The following SH3BGRL variants were observed in gnomAD, a reference collection of about 807,000 sequenced individuals.
SH3BGRL encodes adapter SH3BGRL.
In SH3BGRL, 7 loss-of-function variants were observed where a neutral mutation model predicts 9.8. The observed-to-expected ratio is 0.72, with a 90% CI of 0.41 to 1.35. The LOEUF (loss-of-function observed/expected upper bound fraction) is 1.35, where lower values mean the gene tolerates loss of function less well. Among genes scored for constraint, SH3BGRL ranks in the 40% most tolerant of loss-of-function variants. The pLI is 0.01. For missense variants in SH3BGRL, 73 were observed against 84.4 expected (o/e 0.86, Z 0.53); for synonymous variants, 36 against 29.1 (o/e 1.24, Z -0.76).
rs778201976 is a variant in SH3BGRL, at chrX:81,271,908, A to G, written c.46-5076A>G. Reference sequence around the variant, plus strand: ...CCTGAAATTGAGCAAGAAGAAGCCAATGGTGGCTGGGCATGGTGGCTCATG... The same window carrying G: ...CCTGAAATTGAGCAAGAAGAAGCCAGTGGTGGCTGGGCATGGTGGCTCATG... On this transcript the variant is annotated intron_variant, in intron 1 of 3. Coordinates refer to ENST00000373212, the MANE Select transcript of SH3BGRL (RefSeq NM_003022.3). Among the ~76,000 whole-genome samples, 16 of 111,737 alleles carry G rather than the reference A, an allele frequency of 1.4e-4. No individual in the cohort carries two copies. In the South Asian group the frequency reaches 2.3e-3, roughly 16 times the overall value.
intron 1 of SH3BGRL, among the ~76,000 whole-genome samples, chrX:81,224,319 A>T (rs1311576903): frequency 3.6e-5 from 4 of 111,303 alleles, no homozygotes; most frequent in African/African-American, 1.3e-4. Context: ...GCCTTAGGGA[A>T]ATGGGTTAAC....
chrX:81,264,696 C>G (rs1213951747), intron 1 of SH3BGRL, among the ~76,000 whole-genome samples: 1 of 110,790 alleles, frequency 9.0e-6, no homozygotes, highest in Non-Finnish European at 1.9e-5. Flanking sequence ...GTCCCTCCCT[C>G]TACTTCAAAT....
At chrX:81,234,912 G>C (rs1183166385) in intron 1 of SH3BGRL, among the ~76,000 whole-genome samples, 1 of 111,707 alleles carries the variant, frequency 9.0e-6, no homozygotes, top group Non-Finnish European at 1.9e-5. Context: ...AGACATCTGG[G>C]TTTCCATACA....
At chrX:81,252,350 A>G (rs1294882586) in intron 1 of SH3BGRL, among the ~76,000 whole-genome samples, 1 of 111,981 alleles carries the variant, frequency 8.9e-6, no homozygotes, top group Admixed American at 9.5e-5. Flanking sequence ...ATATATTTCA[A>G]TAAATTATCT....
chrX:81,281,036 G>T (rs1452974474), intron 3 of SH3BGRL, among the ~76,000 whole-genome samples: 1 of 111,091 alleles, frequency 9.0e-6, no homozygotes, highest in African/African-American at 3.3e-5. Context: ...GCTTTGGAAA[G>T]TCTCAGCAAT....
intron 3 of SH3BGRL, among the ~76,000 whole-genome samples, chrX:81,289,928 A>G (rs2075851517): frequency 8.9e-6 from 1 of 112,264 alleles, no homozygotes; most frequent in African/African-American, 3.2e-5. Context: ...GATTTGAATA[A>G]TCCTTTGTCA....
At chrX:81,242,718 C>G (rs5959858) in intron 1 of SH3BGRL, among the ~76,000 whole-genome samples, 1,657 of 111,033 alleles carry the variant, frequency 0.015, 40 homozygotes, top group African/African-American at 0.052. Context: ...CCAAACAGCT[C>G]TAGAGGAAAA....
At chrX:81,285,605 A>C (rs1411882060) in intron 3 of SH3BGRL, among the ~76,000 whole-genome samples, 2 of 112,139 alleles carry the variant, frequency 1.8e-5, no homozygotes, top group Middle Eastern at 8.5e-3. Context: ...CATATTTAAC[A>C]AGAGGTTCAA....
At chrX:81,276,735 C>T (rs2075799300) in intron 1 of SH3BGRL, among the ~76,000 whole-genome samples, 1 of 109,707 alleles carries the variant, frequency 9.1e-6, no homozygotes, top group Non-Finnish European at 1.9e-5. Flanking sequence ...TTTGCATGTA[C>T]ATCATTAAAT....
chrX:81,228,414 G>A (rs2075623462), intron 1 of SH3BGRL, among the ~76,000 whole-genome samples: 2 of 111,848 alleles, frequency 1.8e-5, no homozygotes, highest in Non-Finnish European at 3.8e-5. Flanking sequence ...CTACAGATCT[G>A]GAATCAATAG....
chrX:81,243,928 A>T (rs1316747185), intron 1 of SH3BGRL, among the ~76,000 whole-genome samples: 1 of 111,095 alleles, frequency 9.0e-6, no homozygotes, highest in Non-Finnish European at 1.9e-5. Flanking sequence ...ACGAAATTTG[A>T]CTCAGAGTCC....
intron 3 of SH3BGRL, among the ~76,000 whole-genome samples, chrX:81,279,777 A>G (rs979844914): frequency 9.0e-6 from 1 of 111,272 alleles, no homozygotes; most frequent in African/African-American, 3.3e-5. Flanking sequence ...CTCCACAGAA[A>G]GAAGGAATTC....
At chrX:81,222,118 G>A (rs896343637) in intron 1 of SH3BGRL, among the ~76,000 whole-genome samples, 80 of 112,048 alleles carry the variant, frequency 7.1e-4, no homozygotes, top group Admixed American at 3.8e-4. Flanking sequence ...TAGACTCTGC[G>A]TCTAAGATTA....
chrX:81,259,192 G>A, intron 1 of SH3BGRL, among the ~76,000 whole-genome samples: 1 of 111,883 alleles, frequency 8.9e-6, no homozygotes, highest in East Asian at 2.8e-4. Flanking sequence ...GAAGGTTTGT[G>A]TATTTTTGCT....
intron 1 of SH3BGRL, among the ~76,000 whole-genome samples, chrX:81,209,097 T>A (rs1569356215): frequency 9.8e-6 from 1 of 101,595 alleles, no homozygotes; most frequent in Non-Finnish European, 2.0e-5. Flanking sequence ...AATCTCTGCC[T>A]CCCAGGCTCA....
At chrX:81,206,816 T>G (rs2075549313) in intron 1 of SH3BGRL, among the ~76,000 whole-genome samples, 1 of 112,176 alleles carries the variant, frequency 8.9e-6, no homozygotes, top group Admixed American at 9.4e-5. Context: ...TAAACTGGTC[T>G]GGTATAGGTC....
chrX:81,231,550 A>G (rs1370919690), intron 1 of SH3BGRL, among the ~76,000 whole-genome samples: 4 of 112,486 alleles, frequency 3.6e-5, no homozygotes, highest in Non-Finnish European at 7.5e-5. Flanking sequence ...AAACTGTGTT[A>G]TAGGATTTTG....
At chrX:81,205,894 T>A (rs1323129470) in intron 1 of SH3BGRL, among the ~76,000 whole-genome samples, 2 of 111,325 alleles carry the variant, frequency 1.8e-5, no homozygotes, top group Non-Finnish European at 3.8e-5. Flanking sequence ...TTTTTGGTAA[T>A]AGCCATTTTA....
At chrX:81,221,219 G>T (rs2075599090) in intron 1 of SH3BGRL, among the ~76,000 whole-genome samples, 3 of 111,740 alleles carry the variant, frequency 2.7e-5, no homozygotes, top group African/African-American at 6.5e-5. Flanking sequence ...AGGTCTTGAA[G>T]TCTCCAGCAA....
Sources: allele counts gnomAD v4.1 joint callset (sites outside exome capture counted in the v4.1 genomes callset), GRCh38; gene constraint gnomAD v4.1.1; transcripts MANE v1.5; gene names NCBI Gene and HGNC (gene_info 2026-07-23, HGNC 2026-07-21).